The following CCDC125 variants were observed in gnomAD, a reference collection of about 807,000 sequenced individuals.
CCDC125 encodes the protein coiled-coil domain containing 125.
Under a neutral mutation model 57.4 loss-of-function variants are expected in CCDC125, and 43 were observed. That is an observed-to-expected ratio of 0.75 (90% CI 0.59 to 0.97). The LOEUF (loss-of-function observed/expected upper bound fraction) is 0.97, where lower values mean the gene tolerates loss of function less well. Among genes scored for constraint, CCDC125 ranks in the 50% least tolerant of loss-of-function variants. The pLI is 0.00. For missense variants in CCDC125, 563 were observed against 595.7 expected (o/e 0.95, Z 0.57); for synonymous variants, 187 against 195.2 (o/e 0.96, Z 0.35).
the CCDC125 span, chr5:69,273,089 A>C: frequency 8.0e-7 from 1 of 1,250,910 alleles, no homozygotes; most frequent in Non-Finnish European, 1.1e-6. Context: ...AAATAATCTT[A>C]ACTGTAGCAT....
At chr5:69,300,231 C>T (rs993866100) in intron 7 of CCDC125, 104 bp from the exon 8 acceptor site, 4 of 817,988 alleles carry the variant, frequency 4.9e-6, no homozygotes, top group Non-Finnish European at 6.3e-6. Context: ...AAGCAATACA[C>T]TACCCACAAC....
In CCDC125 at chr5:69,281,723, T is replaced by G. The variant is rs528275551; in HGVS notation, c.*1006A>C. 1.3e-5 allele frequency: 2 copies of G among 152,270 alleles called. No individual in the cohort carries two copies. Among genetic ancestry groups the G allele is most frequent in the East Asian group, 1.9e-4 (1 of 5,182 alleles). 9.4% of individuals were successfully genotyped at this position (152,270 alleles called of 1,614,324 possible). A position where few individuals can be genotyped will look rare whatever the true frequency, so the allele number is the denominator to read the frequency against. ...GATAAATGAATTCCAGAAATTAACATTCAGTCAGTCCTAGGTATTGTTACT... is the reference window on the plus strand; with the variant it reads ...GATAAATGAATTCCAGAAATTAACAGTCAGTCAGTCCTAGGTATTGTTACT... On this transcript the variant is annotated 3_prime_UTR_variant, in exon 12 of 12. Transcript: ENST00000396496.
At chr5:69,297,203 AT>A (rs200570666) in intron 8 of CCDC125, among the ~76,000 whole-genome samples, 4 of 151,028 alleles carry the variant, frequency 2.6e-5, no homozygotes, top group African/African-American at 9.7e-5. Flanking sequence ...CACCCAGCTA[AT>A]TTTTTTTTGT....
intron 4 of CCDC125, chr5:69,310,286 CCCA>C (rs1218437003): frequency 1.3e-5 from 2 of 152,226 alleles, no homozygotes; most frequent in African/African-American, 4.8e-5. Context: ...TCCCATAATT[CCCA>C]CGTGTTGTGA....
At chr5:69,296,041 G>A (rs534351034) in intron 8 of CCDC125, among the ~76,000 whole-genome samples, 13 of 151,906 alleles carry the variant, frequency 8.6e-5, no homozygotes, top group Admixed American at 5.9e-4. Flanking sequence ...CACCACGCCC[G>A]GCTAATTTTT....
At chr5:69,305,879 G>T (rs763131338) in intron 6 of CCDC125, among the ~76,000 whole-genome samples, 7 of 152,046 alleles carry the variant, frequency 4.6e-5, no homozygotes, top group Admixed American at 1.3e-4. Context: ...TCCCACGTTC[G>T]TCTCCCTTTG....
At chr5:69,278,134 G>A (rs531345701), downstream of CCDC125, among the ~76,000 whole-genome samples, 431 of 152,006 alleles carry the variant, frequency 2.8e-3, 5 homozygotes, top group African/African-American at 9.8e-3. Flanking sequence ...TGCCCACCTC[G>A]GCTTCCCAAA....
intron 8 of CCDC125, among the ~76,000 whole-genome samples, chr5:69,295,552 G>T (rs754935979): frequency 2.0e-5 from 3 of 151,692 alleles, no homozygotes; most frequent in Non-Finnish European, 4.4e-5. Flanking sequence ...CGTTGCTCTT[G>T]TTCTGTAAAT....
At chr5:69,322,240 C>T (rs1209852819) in intron 1 of CCDC125, among the ~76,000 whole-genome samples, 1 of 151,996 alleles carries the variant, frequency 6.6e-6, no homozygotes, top group East Asian at 1.9e-4. Flanking sequence ...CCAGTTCAGC[C>T]TCTGGAGTAG....
chr5:69,276,536 T>C (rs1411711898), downstream of CCDC125: 1 of 1,612,088 alleles, frequency 6.2e-7, no homozygotes, highest in South Asian at 1.1e-5. Flanking sequence ...ATCTTTTCTT[T>C]TAAAAGGCAC....
chr5:69,283,470 T>G (rs905063523), intron 11 of CCDC125, among the ~76,000 whole-genome samples: 1 of 152,148 alleles, frequency 6.6e-6, no homozygotes, highest in South Asian at 2.1e-4. Context: ...TCAGCCCACC[T>G]TGGCCTCCCA....
At chr5:69,307,369 A>T (rs1013515605) in intron 5 of CCDC125, among the ~76,000 whole-genome samples, 16 of 145,290 alleles carry the variant, frequency 1.1e-4, no homozygotes, top group South Asian at 6.3e-4. Context: ...ATAAGGATTT[A>T]AAAAAAAAAA....
Position 69,306,906 on chromosome 5 carries a change from T to C in CCDC125, c.532-4A>G. ...CCCACTGCAAGGCATTTATTTCCTA[T>C]GGAAAGAAAATAGTACCTTCATGGC... On this transcript the variant is annotated splice_polypyrimidine_tract_variant and splice_region_variant and intron_variant, in intron 5 of 11. Transcript: ENST00000396496. 4 of 1,498,982 alleles carry C rather than the reference T, an allele frequency of 2.7e-6. No individual in the cohort carries two copies. Among genetic ancestry groups the C allele is most frequent in the Non-Finnish European group, 2.7e-6 (3 of 1,128,392 alleles). The allele number at this position is 1,498,982 out of a possible 1,614,324, so 92.9% of individuals were successfully genotyped here. A position where few individuals can be genotyped will look rare whatever the true frequency, so the allele number is the denominator to read the frequency against.
chr5:69,279,887 C>T (rs1034222603), downstream of CCDC125, among the ~76,000 whole-genome samples: 1 of 152,176 alleles, frequency 6.6e-6, no homozygotes, highest in South Asian at 2.1e-4. Flanking sequence ...TTAATTGACT[C>T]ATAGCTCCAC....
At chr5:69,323,082 G>A (rs973150388) in intron 1 of CCDC125, among the ~76,000 whole-genome samples, 3 of 151,804 alleles carry the variant, frequency 2.0e-5, no homozygotes, top group African/African-American at 2.4e-5. Flanking sequence ...CAAGGTGGGC[G>A]GATCACTTGA....
chr5:69,283,456 G>A (rs1274392702), intron 11 of CCDC125, among the ~76,000 whole-genome samples: 1 of 151,868 alleles, frequency 6.6e-6, no homozygotes, highest in South Asian at 2.1e-4. Flanking sequence ...TCCTGACCTT[G>A]TGATCAGCCC....
chr5:69,325,459 C>G (rs77881181), intron 1 of CCDC125, among the ~76,000 whole-genome samples: 3 of 151,570 alleles, frequency 2.0e-5, no homozygotes, highest in Non-Finnish European at 2.9e-5. Flanking sequence ...TTATTAAGTA[C>G]GAAAATTAAA....
chr5:69,294,410 C>T (rs750512724), intron 9 of CCDC125, among the ~76,000 whole-genome samples: 5 of 151,830 alleles, frequency 3.3e-5, no homozygotes, highest in African/African-American at 4.8e-5. Context: ...CGGATTCAAG[C>T]GATTCTCCTG....
rs1752447201 is a variant in CCDC125 at position 69,281,157 on chromosome 5, T to C, written c.*1572A>G. On this transcript the variant is annotated 3_prime_UTR_variant, in exon 12 of 12. Transcript: ENST00000396496. ...CGCCAGCCTACAAGAAATACAAATG[T>C]ACAGGGTAAAATCCTAGCTGGATCA... 1 of 152,246 alleles carries C rather than the reference T, an allele frequency of 6.6e-6. No individual in the cohort carries two copies. Among genetic ancestry groups the C allele is most frequent in the Non-Finnish European group, 1.5e-5 (1 of 68,042 alleles). 9.4% of individuals were successfully genotyped at this position (152,246 alleles called of 1,614,324 possible). A position where few individuals can be genotyped will look rare whatever the true frequency, so the allele number is the denominator to read the frequency against.
Sources: allele counts gnomAD v4.1 joint callset (sites outside exome capture counted in the v4.1 genomes callset), GRCh38; gene constraint gnomAD v4.1.1; transcripts MANE v1.5; gene names NCBI Gene and HGNC (gene_info 2026-07-23, HGNC 2026-07-21).